Variants in HMGCS2 observed in about 807,000 individuals in gnomAD.
The protein encoded by HMGCS2 is hydroxymethylglutaryl-CoA synthase, mitochondrial.
A neutral mutation model predicts 57.4 loss-of-function variants in HMGCS2; 50 were observed. The observed-to-expected ratio is 0.87, with a 90% CI of 0.69 to 1.10. HMGCS2 has a LOEUF of 1.10. Among genes scored for constraint, HMGCS2 ranks in the 50% least tolerant of loss-of-function variants. The pLI is 0.00. For synonymous variants in HMGCS2, 254 were observed against 245.1 expected, an observed-to-expected ratio of 1.04 and a Z score of -0.34; for missense variants, 627 against 636.5, an observed-to-expected ratio of 0.99 and a Z score of 0.16.
chr1:119,753,505 G>T (rs912619061), intron 6 of HMGCS2, 119 bp from the exon 7 acceptor site: 1 of 685,510 alleles, frequency 1.5e-6, no homozygotes, highest in Non-Finnish European at 2.6e-6. Flanking sequence ...CTATCATCCC[G>T]ATCTTCTCCC....
Position 119,756,967 on chromosome 1 carries a change from A to ACTCTCTTTCTCCCTTC in HMGCS2, c.1016+290_1016+305dup, listed in dbSNP as rs201255052. Among the ~76,000 whole-genome samples the ACTCTCTTTCTCCCTTC allele has an allele frequency of 0.11, 16,609 of 151,554 alleles. 1,059 individuals carry two copies. Among genetic ancestry groups the ACTCTCTTTCTCCCTTC allele is most frequent in the Middle Eastern group, 0.26 (76 of 294 alleles). On this transcript the variant is annotated intron_variant, in intron 5 of 9. Coordinates refer to ENST00000369406, the MANE Select transcript of HMGCS2 (RefSeq NM_005518.4). ...TGTTTATTGACTGAATGATTTAGCT[A>ACTCTCTTTCTCCCTTC]CTCTCTTTCTCCCTTCCTCTCTTTC...
At chr1:119,759,319 A>G in intron 3 of HMGCS2, 37 bp from the exon 4 acceptor site, 3 of 1,599,512 alleles carry the variant, frequency 1.9e-6, no homozygotes, top group East Asian at 2.2e-5. Context: ...AGACTACACA[A>G]TGCAGCCTAC....
intron 2 of HMGCS2, among the ~76,000 whole-genome samples, chr1:119,762,795 T>C (rs1325057272): frequency 6.7e-6 from 1 of 149,326 alleles, no homozygotes; most frequent in African/African-American, 2.6e-5. Flanking sequence ...AGATACCACA[T>C]TTTTTTAAAA....
At chr1:119,762,850 G>T (rs587769385) in intron 2 of HMGCS2, among the ~76,000 whole-genome samples, 7 of 152,294 alleles carry the variant, frequency 4.6e-5, no homozygotes, top group African/African-American at 1.7e-4. Flanking sequence ...CCCCTCAGAA[G>T]AATCTACGCA....
Position 119,755,370 on chromosome 1 carries a change from AC to A in HMGCS2, c.1187+56del, listed in dbSNP as rs1443659282. 2.0e-5 allele frequency: 31 copies of A among 1,533,978 alleles called. No individual in the cohort carries two copies. The Admixed American group carries it at 5.2e-4, about 26-fold the overall frequency. On this transcript the variant is annotated intron_variant, in intron 6 of 9. Coordinates refer to ENST00000369406, the MANE Select transcript of HMGCS2 (RefSeq NM_005518.4). ...CCCAACTTTGTTGACCCTGCAGCCC[AC>A]GGGGGCGGAGGCTGAGGGTGTGCAT...
chr1:119,764,105 C>G, intron 2 of HMGCS2, 67 bp downstream of exon 2: 1 of 1,475,610 alleles, frequency 6.8e-7, no homozygotes, highest in Non-Finnish European at 9.5e-7. Context: ...AACTGAAAAG[C>G]AAAACTGGTA....
rs777939704 is a variant in HMGCS2, at chr1:119,755,528, G to A, written c.1086C>T (p.Asp362=). 1 of 1,614,090 alleles carries A rather than the reference G, an allele frequency of 6.2e-7. No homozygotes were observed. The highest frequency in any genetic ancestry group is 1.1e-5 in the South Asian group (1 of 91,078). The change falls in exon 6 of 10, where the codon GAC becomes GAT. Residue 362 remains aspartate (D), a synonymous_variant. Coordinates refer to ENST00000369406, the MANE Select transcript of HMGCS2 (RefSeq NM_005518.4). ...LDKALLKASQ[D]MFDKKTKASL... ...AAGCCTTGGTTTTCTTGTCGAACAT[G>A]TCCTGAGAGGCCTTTAGAAGTGCTT... is the stretch of plus-strand genomic sequence containing the variant.
chr1:119,757,132 G>T, intron 5 of HMGCS2, 141 bp downstream of exon 5: 1 of 1,364,696 alleles, frequency 7.3e-7, no homozygotes, highest in Non-Finnish European at 1.0e-6. Flanking sequence ...CCCGTGGAAG[G>T]ACCTGGGATT....
chr1:119,767,321 C>CTT (rs957944143), intron 1 of HMGCS2, among the ~76,000 whole-genome samples: 3 of 152,064 alleles, frequency 2.0e-5, no homozygotes, highest in Non-Finnish European at 4.4e-5. Flanking sequence ...TGGAAGAGAC[C>CTT]GCATTTGAGG....
In HMGCS2 at chr1:119,761,720, A is replaced by C. The variant is rs587713163; in HGVS notation, c.560-1731T>G. Reference sequence around the variant, plus strand: ...GCAGAGGTTGCAGTGAGCTGAGATCACCGCCACTGCACTCCAGCCTGGCAA... The same window carrying C: ...GCAGAGGTTGCAGTGAGCTGAGATCCCCGCCACTGCACTCCAGCCTGGCAA... On this transcript the variant is annotated intron_variant, in intron 2 of 9. Coordinates refer to ENST00000369406, the MANE Select transcript of HMGCS2 (RefSeq NM_005518.4). Among the ~76,000 whole-genome samples the C allele has an allele frequency of 4.6e-5, 7 of 151,996 alleles. No homozygotes were observed. The South Asian group carries it at 1.5e-3, about 32-fold the overall frequency.
chr1:119,762,361 A>G (rs1260394850), intron 2 of HMGCS2, among the ~76,000 whole-genome samples: 1 of 151,852 alleles, frequency 6.6e-6, no homozygotes, highest in Non-Finnish European at 1.5e-5. Context: ...AAGTGGTAAC[A>G]GGTCAAATGA....
chr1:119,759,205 C>T lies in HMGCS2; in HGVS notation c.763G>A (p.Gly255Arg). ...AAGTAGCACTGGATGGAAAGCTTCC[C>T]ATCCACTATTGGGTACTCCGAGGCC... ...NLASEYPIVD[G>R]KLSIQCYLRA... Residue 255 changes from glycine to arginine, a missense_variant, in exon 4 of 10, where the codon GGG becomes AGG. Transcript: ENST00000369406. 6.2e-7 allele frequency: 1 copy of T among 1,614,174 alleles called. No individual in the cohort carries two copies. The highest frequency in any genetic ancestry group is 8.5e-7 in the Non-Finnish European group (1 of 1,180,002).
chr1:119,755,384 T>C lies in HMGCS2; in HGVS notation c.1187+43A>G, dbSNP rs749542054. On this transcript the variant is annotated intron_variant, in intron 6 of 9. Transcript: ENST00000369406. Reference sequence around the variant, plus strand: ...CCCTGCAGCCCACGGGGGCGGAGGCTGAGGGTGTGCATGGAGGACATGGAG... The same window carrying C: ...CCCTGCAGCCCACGGGGGCGGAGGCCGAGGGTGTGCATGGAGGACATGGAG... The C allele has an allele frequency of 6.9e-6, 11 of 1,595,790 alleles. No homozygotes were observed. The African/African-American group carries it at 1.3e-4, about 19-fold the overall frequency.
At chr1:119,761,969 A>C (rs961861112) in intron 2 of HMGCS2, among the ~76,000 whole-genome samples, 1 of 152,214 alleles carries the variant, frequency 6.6e-6, no homozygotes, top group African/African-American at 2.4e-5. Context: ...ATTTTGGAGA[A>C]GAATTTGGCA....
chr1:119,755,747 C>T (rs1227238822), intron 5 of HMGCS2, 150 bp from the exon 6 acceptor site: 8 of 774,886 alleles, frequency 1.0e-5, no homozygotes, highest in African/African-American at 5.1e-5. Context: ...GGAGAACATA[C>T]CACTAATGGC....
chr1:119,757,263 G>C lies in HMGCS2; in HGVS notation c.1016+10C>G. 1 of 1,614,054 alleles carries C rather than the reference G, an allele frequency of 6.2e-7. No homozygotes were observed. Among genetic ancestry groups the C allele is most frequent in the South Asian group, 1.1e-5 (1 of 91,066 alleles). ...CACCAGCCTCTAGGCTCCCCAAGAA[G>C]AGAACTCACCCGAAAGCCTCCAGCC... On this transcript the variant is annotated intron_variant, in intron 5 of 9. Transcript: ENST00000369406.
At chr1:119,761,432 A>G (rs773835583) in intron 2 of HMGCS2, among the ~76,000 whole-genome samples, 1 of 152,128 alleles carries the variant, frequency 6.6e-6, no homozygotes, top group African/African-American at 2.4e-5. Flanking sequence ...CTTACAATCA[A>G]CAAAAATCAA....
chr1:119,764,868 A>G (rs1348336849), intron 1 of HMGCS2, among the ~76,000 whole-genome samples: 2 of 152,172 alleles, frequency 1.3e-5, no homozygotes, highest in Non-Finnish European at 2.9e-5. Context: ...CGATATAGCT[A>G]CACTAGCTTT....
intron 5 of HMGCS2, among the ~76,000 whole-genome samples, chr1:119,756,986 C>CTCT (rs1652863220): frequency 6.6e-6 from 1 of 152,186 alleles, no homozygotes; most frequent in Non-Finnish European, 1.5e-5. Context: ...CTCCCTTCCT[C>CTCT]TCTTTCTCCC....
Sources: allele counts gnomAD v4.1 joint callset (sites outside exome capture counted in the v4.1 genomes callset), GRCh38; gene constraint gnomAD v4.1.1; transcripts MANE v1.5; gene names NCBI Gene and HGNC (gene_info 2026-07-23, HGNC 2026-07-21).